Variants in ZNF395 observed in about 807,000 individuals in gnomAD.
The protein encoded by ZNF395 is HD gene regulatory region-binding protein 2.
A neutral mutation model predicts 57.7 loss-of-function variants in ZNF395; 20 were observed. The observed-to-expected ratio is 0.35, with a 90% CI of 0.24 to 0.50. The LOEUF (loss-of-function observed/expected upper bound fraction) is 0.50, where lower values mean the gene tolerates loss of function less well. Ranked by LOEUF, ZNF395 falls within the 20% of genes least tolerant of loss-of-function variation. The pLI, the probability that ZNF395 is intolerant of heterozygous loss-of-function variation, is 0.97. For missense variants in ZNF395, 606 were observed against 671.2 expected (o/e 0.90, Z 1.07); for synonymous variants, 295 against 275.9 (o/e 1.07, Z -0.69).
At chr8:28,350,204 CAG>C in intron 7 of ZNF395, 48 bp from the exon 8 acceptor site, 1 of 1,498,780 alleles carries the variant, frequency 6.7e-7, no homozygotes, top group South Asian at 1.2e-5. Context: ...AGGAAGTGTT[CAG>C]AGTCTGCCCA....
intron 1 of ZNF395, among the ~76,000 whole-genome samples, chr8:28,371,433 G>A (rs932068370): frequency 5.9e-5 from 9 of 152,074 alleles, no homozygotes; most frequent in African/African-American, 1.2e-4. Context: ...CTCCTGCCTC[G>A]GCCTTCTAAA....
intron 4 of ZNF395, among the ~76,000 whole-genome samples, chr8:28,353,844 G>C (rs1288323898): frequency 6.6e-6 from 1 of 152,146 alleles, no homozygotes; most frequent in Non-Finnish European, 1.5e-5. Context: ...GCCTGGTTGA[G>C]AACAGGCACA....
At position 28,356,437 on chromosome 8, in the gene ZNF395, G is replaced by A. The variant is rs1393000037; in HGVS notation, c.583+233C>T. On this transcript the variant is annotated intron_variant, in intron 4 of 9. Transcript: ENST00000344423. The surrounding 1 kb of genome is among the most constrained non-coding windows in gnomAD (Gnocchi z 4.0). ...ACTGGCCACTGCAGCTCAGTCCCAT[G>A]CTCAACCATCTTCACAATGTACCAG... Among the ~76,000 whole-genome samples the A allele has an allele frequency of 6.6e-6, 1 of 152,212 alleles. No homozygotes were observed. The highest frequency in any genetic ancestry group is 1.5e-5 in the Non-Finnish European group (1 of 68,040).
chr8:28,369,900 C>G (rs1219735034), intron 1 of ZNF395, among the ~76,000 whole-genome samples: 1 of 152,268 alleles, frequency 6.6e-6, no homozygotes. Flanking sequence ...GAGTCAGACC[C>G]TGCCCTTAAT....
chr8:28,377,664 C>T (rs868400255), intron 1 of ZNF395, among the ~76,000 whole-genome samples: 5 of 151,144 alleles, frequency 3.3e-5, no homozygotes, highest in South Asian at 2.1e-4. Flanking sequence ...ACATTCTCCA[C>T]GGCCAAGCAG....
At chr8:28,376,184 G>A (rs554494056) in intron 1 of ZNF395, among the ~76,000 whole-genome samples, 74 of 151,840 alleles carry the variant, frequency 4.9e-4, no homozygotes, top group South Asian at 1.0e-3. Context: ...CATGTTGCCC[G>A]GGCTGGTCTC....
chr8:28,352,486 A>T lies in ZNF395; in HGVS notation c.920+87T>A. The T allele has an allele frequency of 8.3e-7, 1 of 1,201,126 alleles. No individual in the cohort carries two copies. Among genetic ancestry groups the T allele is most frequent in the South Asian group, 1.3e-5 (1 of 78,162 alleles). 74.4% of individuals were successfully genotyped at this position (1,201,126 alleles called of 1,614,324 possible). On this transcript the variant is annotated intron_variant, in intron 6 of 9. Coordinates refer to ENST00000344423, the MANE Select transcript of ZNF395 (RefSeq NM_018660.3). This position sits in a 1 kb window ranked among gnomAD's most constrained non-coding sequence, Gnocchi z 4.0. ...CCCAGCAAGCCACGTTCCTGAAAGCACTGTGGGCTGTGGGTCACAGGGACT... is the reference window on the plus strand; with the variant it reads ...CCCAGCAAGCCACGTTCCTGAAAGCTCTGTGGGCTGTGGGTCACAGGGACT...
intron 1 of ZNF395, among the ~76,000 whole-genome samples, chr8:28,370,985 A>G (rs1488663120): frequency 6.6e-6 from 1 of 152,232 alleles, no homozygotes; most frequent in Non-Finnish European, 1.5e-5. Flanking sequence ...CTTAAGTGCC[A>G]GTCAACTTGC....
intron 1 of ZNF395, among the ~76,000 whole-genome samples, chr8:28,362,102 AAAAG>A (rs2129962613): frequency 6.6e-6 from 1 of 152,036 alleles, no homozygotes; most frequent in South Asian, 2.1e-4. Flanking sequence ...AAAAAAAAAA[AAAAG>A]AAAGAAAAAA....
intron 8 of ZNF395, 90 bp from the exon 9 acceptor site, chr8:28,349,318 C>T (rs2129935501): frequency 9.4e-7 from 1 of 1,063,106 alleles, no homozygotes. Flanking sequence ...CCGTCCCCAG[C>T]TCCTGGTGCA....
chr8:28,364,026 G>A (rs1801881073), intron 1 of ZNF395, among the ~76,000 whole-genome samples: 1 of 152,200 alleles, frequency 6.6e-6, no homozygotes, highest in Admixed American at 6.5e-5. Context: ...TTTAAAAGCA[G>A]AAGAGAAAGA....
In ZNF395 at chr8:28,352,504, CAGGGACTCGGCAGGGTGG is replaced by C. The variant is rs1367819184; in HGVS notation, c.920+51_920+68del. On this transcript the variant is annotated intron_variant, in intron 6 of 9. Coordinates refer to ENST00000344423, the MANE Select transcript of ZNF395 (RefSeq NM_018660.3). This position sits in a 1 kb window ranked among gnomAD's most constrained non-coding sequence, Gnocchi z 4.0. ...TGAAAGCACTGTGGGCTGTGGGTCA[CAGGGACTCGGCAGGGTGG>C]AGGGACACCCACACGCGACCCTAGG... 1 of 1,415,976 alleles carries C rather than the reference CAGGGACTCGGCAGGGTGG, an allele frequency of 7.1e-7. No individual in the cohort carries two copies. Among genetic ancestry groups the C allele is most frequent in the African/African-American group, 1.4e-5 (1 of 71,164 alleles). 87.7% of individuals were successfully genotyped at this position (1,415,976 alleles called of 1,614,324 possible).
chr8:28,349,500 G>A (rs1801651592), intron 8 of ZNF395, among the ~76,000 whole-genome samples: 1 of 152,222 alleles, frequency 6.6e-6, no homozygotes, highest in Non-Finnish European at 1.5e-5. Context: ...CTTAGACGGA[G>A]CCGCTATGCC....
intron 9 of ZNF395, 96 bp downstream of exon 9, chr8:28,349,029 T>G (rs1801644374): frequency 7.7e-7 from 1 of 1,306,698 alleles, no homozygotes; most frequent in Non-Finnish European, 1.1e-6. Flanking sequence ...CTCTGGGGAC[T>G]AACCCTGGTG....
intron 1 of ZNF395, among the ~76,000 whole-genome samples, chr8:28,371,886 T>A (rs563180293): frequency 1.3e-5 from 2 of 152,102 alleles, no homozygotes; most frequent in African/African-American, 4.8e-5. Context: ...TCATCTCTAC[T>A]AAAAATACAA....
rs559448038 is a variant in ZNF395, at chr8:28,347,634, G to A, written c.*1085C>T. ...GTCATTTCCTCATCCTGACGCTCAC[G>A]GGTGCAAGGACTCTCCTTGGCCTTC... On this transcript the variant is annotated 3_prime_UTR_variant, in exon 10 of 10. Coordinates refer to ENST00000344423, the MANE Select transcript of ZNF395 (RefSeq NM_018660.3). 7 of 152,302 alleles carry A rather than the reference G, an allele frequency of 4.6e-5. No individual in the cohort carries two copies. The highest frequency in any genetic ancestry group is 7.2e-5 in the African/African-American group (3 of 41,520). The allele number at this position is 152,302 out of a possible 1,614,324, so 9.4% of individuals were successfully genotyped here. A position where few individuals can be genotyped will look rare whatever the true frequency, so the allele number is the denominator to read the frequency against.
chr8:28,382,858 GT>G (rs1406120057), intron 1 of ZNF395, among the ~76,000 whole-genome samples: 7 of 152,180 alleles, frequency 4.6e-5, no homozygotes, highest in African/African-American at 1.7e-4. Flanking sequence ...GAGACAAGAG[GT>G]TTTTAAATGA....
intron 3 of ZNF395, among the ~76,000 whole-genome samples, chr8:28,358,890 G>A (rs572522954): frequency 6.6e-6 from 1 of 152,198 alleles, no homozygotes; most frequent in African/African-American, 2.4e-5. Context: ...CAGCAGAGCT[G>A]AGCAGTGGGG....
At position 28,359,690 on chromosome 8, in the gene ZNF395, T is replaced by C. The variant is rs1801825402; in HGVS notation, c.375A>G (p.Ala125=). The stretch of plus-strand genomic sequence containing the variant: ...CCTGGGGACAGGGGCCCTGCAGCTC[T>C]GCCAGCCACACCTCCTCCACCCTGC... ...VCCRVEEVWL[A]ELQGPCPQAP... Residue 125 remains alanine, a synonymous_variant, in exon 3 of 10, where the codon GCA becomes GCG. Coordinates refer to ENST00000344423, the MANE Select transcript of ZNF395 (RefSeq NM_018660.3). The surrounding 1 kb of genome is among the most constrained non-coding windows in gnomAD (Gnocchi z 4.7). The C allele has an allele frequency of 6.2e-7, 1 of 1,613,930 alleles. No homozygotes were observed. Among genetic ancestry groups the C allele is most frequent in the Admixed American group, 1.7e-5 (1 of 60,002 alleles).
Sources: gnomAD v4.1 joint callset for allele counts (sites outside exome capture counted in the v4.1 genomes callset) on GRCh38, gnomAD v4.1.1 for gene constraint, Gnocchi (gnomAD v3.1) non-coding constraint, MANE v1.5 for transcripts, NCBI Gene and HGNC (gene_info 2026-07-23, HGNC 2026-07-21) for gene names.